TAAR5: variants seen among roughly 807,000 people sequenced by gnomAD.
The protein encoded by TAAR5 is trace amine-associated receptor 5.
Under a neutral mutation model 21.1 loss-of-function variants are expected in TAAR5, and 27 were observed. That is an observed-to-expected ratio of 1.28 (90% CI 0.94 to 1.76). The LOEUF (loss-of-function observed/expected upper bound fraction) is 1.76, where lower values mean the gene tolerates loss of function less well. TAAR5 is among the 40% of genes most tolerant of loss of function. The pLI is 0.00. For synonymous variants in TAAR5, 203 were observed against 167.5 expected (o/e 1.21, Z -1.64); for missense variants, 495 against 405.6 (o/e 1.22, Z -1.89).
At chr6:132,598,182 T>C in the TAAR5 span, among the ~76,000 whole-genome samples, 1 of 152,198 alleles carries the variant, frequency 6.6e-6, no homozygotes, top group Middle Eastern at 3.2e-3. Context: ...CTTACTTTGA[T>C]ATATCTCATC....
At chr6:132,609,752 G>A in the TAAR5 span, among the ~76,000 whole-genome samples, 33 of 152,212 alleles carry the variant, frequency 2.2e-4, no homozygotes, top group African/African-American at 7.7e-4. Context: ...TTTTCTTTAG[G>A]CATTCTTTTG....
At chr6:132,602,581 C>T in the TAAR5 span, among the ~76,000 whole-genome samples, 2 of 152,040 alleles carry the variant, frequency 1.3e-5, no homozygotes, top group Admixed American at 6.6e-5. Flanking sequence ...TGCTTGCCTG[C>T]CCCTCATCTC....
the TAAR5 span, among the ~76,000 whole-genome samples, chr6:132,614,413 G>A: frequency 6.6e-6 from 1 of 152,090 alleles, no homozygotes; most frequent in Non-Finnish European, 1.5e-5. Flanking sequence ...TATAATGATT[G>A]TTTTTTAGTT....
chr6:132,593,831 A>C (rs1366053768), upstream of TAAR5, among the ~76,000 whole-genome samples: 1 of 152,212 alleles, frequency 6.6e-6, no homozygotes, highest in Non-Finnish European at 1.5e-5. Flanking sequence ...CAAATCTCAC[A>C]TCAGTTCTTT....
At chr6:132,602,192 C>G in the TAAR5 span, among the ~76,000 whole-genome samples, 9 of 152,250 alleles carry the variant, frequency 5.9e-5, no homozygotes, top group African/African-American at 2.2e-4. Flanking sequence ...AATATTTCCA[C>G]AAATGAGGTG....
chr6:132,597,444 G>A, the TAAR5 span, among the ~76,000 whole-genome samples: 14 of 152,102 alleles, frequency 9.2e-5, no homozygotes, highest in African/African-American at 3.1e-4. Flanking sequence ...TGGCTTGCTT[G>A]TTTGCTAAAG....
At chr6:132,613,203 A>C in the TAAR5 span, among the ~76,000 whole-genome samples, 1 of 152,210 alleles carries the variant, frequency 6.6e-6, no homozygotes, top group Non-Finnish European at 1.5e-5. Flanking sequence ...GTAAGAACAC[A>C]ATGAGGCTCA....
At position 132,588,994 on chromosome 6, in the gene TAAR5, C is replaced by A; in HGVS notation, c.693G>T (p.Gln231His). Residue 231 changes from glutamine to histidine, a missense_variant, in exon 1 of 1, where the codon CAG (glutamine) becomes CAT (histidine). Coordinates refer to ENST00000258034, the MANE Select transcript of TAAR5 (RefSeq NM_003967.3). Reference protein sequence around the residue: ...KIFVVATRQAQQITTLSKSLA... With the variant: ...KIFVVATRQAHQITTLSKSLA... The stretch of plus-strand genomic sequence containing the variant: ...GGCTTTTGCTCAATGTGGTAATCTG[C>A]TGAGCCTGTCTGGTAGCAACCACAA... 6.2e-7 allele frequency: 1 copy of A among 1,613,992 alleles called. No individual in the cohort carries two copies. The highest frequency in any genetic ancestry group is 8.5e-7 in the Non-Finnish European group (1 of 1,179,962).
the TAAR5 span, among the ~76,000 whole-genome samples, chr6:132,597,623 C>G: frequency 6.6e-6 from 1 of 152,274 alleles, no homozygotes; most frequent in Non-Finnish European, 1.5e-5. Context: ...TCACTTTTTT[C>G]ATGGGATATT....
chr6:132,589,023 T>C lies in TAAR5; in HGVS notation c.664A>G (p.Ile222Val). 1 of 1,613,988 alleles carries C rather than the reference T, an allele frequency of 6.2e-7. No homozygotes were observed. The highest frequency in any genetic ancestry group is 1.1e-5 in the South Asian group (1 of 91,080). The change falls in exon 1 of 1, where the codon ATC (isoleucine) becomes GTC (valine). Residue 222 changes from isoleucine (I) to valine (V), a missense_variant. Ile to Val is a conservative substitution (Grantham distance 29). Coordinates refer to ENST00000258034, the MANE Select transcript of TAAR5 (RefSeq NM_003967.3). ...GCCTGTCTGGTAGCAACCACAAAGA[T>C]CTTCACATACAAGCTGATCATAATG... ...CLIMISLYVKIFVVATRQAQQ... is the reference protein window; with the variant it reads ...CLIMISLYVKVFVVATRQAQQ...
At chr6:132,602,468 C>A in the TAAR5 span, among the ~76,000 whole-genome samples, 1 of 152,096 alleles carries the variant, frequency 6.6e-6, no homozygotes, top group African/African-American at 2.4e-5. Context: ...GTTCATGCTC[C>A]TGTGAGAATC....
upstream of TAAR5, among the ~76,000 whole-genome samples, chr6:132,593,620 C>T (rs1434187565): frequency 2.0e-5 from 3 of 152,098 alleles, no homozygotes; most frequent in East Asian, 1.9e-4. Context: ...TGTTTGTGGA[C>T]ACCCTTGTAA....
chr6:132,598,567 T>C, the TAAR5 span, among the ~76,000 whole-genome samples: 1 of 152,154 alleles, frequency 6.6e-6, no homozygotes, highest in Admixed American at 6.6e-5. Flanking sequence ...CCTAGGAACT[T>C]GGGGCCACAC....
At chr6:132,602,139 A>T in the TAAR5 span, among the ~76,000 whole-genome samples, 1 of 152,154 alleles carries the variant, frequency 6.6e-6, no homozygotes, top group East Asian at 1.9e-4. Context: ...TAAAGCAGCC[A>T]TCCCCAACCT....
At chr6:132,611,227 AAG>A in the TAAR5 span, among the ~76,000 whole-genome samples, 11 of 149,454 alleles carry the variant, frequency 7.4e-5, no homozygotes, top group African/African-American at 2.3e-4. Flanking sequence ...AAAAAAAAAA[AAG>A]CATTGAACTC....
chr6:132,609,842 G>A, the TAAR5 span, among the ~76,000 whole-genome samples: 3 of 152,192 alleles, frequency 2.0e-5, no homozygotes, highest in African/African-American at 7.2e-5. Flanking sequence ...GAAACATGCA[G>A]TACCATGAAA....
chr6:132,613,141 C>G, the TAAR5 span, among the ~76,000 whole-genome samples: 22 of 152,142 alleles, frequency 1.4e-4, no homozygotes, highest in Non-Finnish European at 1.5e-5. Context: ...TTATGTGATG[C>G]AGTTTCTAGC....
the TAAR5 span, among the ~76,000 whole-genome samples, chr6:132,609,577 T>C: frequency 6.6e-6 from 1 of 152,230 alleles, no homozygotes; most frequent in Non-Finnish European, 1.5e-5. Context: ...GGTTTATCTA[T>C]TGACTGCTTT....
chr6:132,614,258 G>T, the TAAR5 span, among the ~76,000 whole-genome samples: 2 of 152,264 alleles, frequency 1.3e-5, no homozygotes, highest in East Asian at 3.9e-4. Context: ...TTTTAGCATT[G>T]TTGAAATACC....
Sources: gnomAD v4.1 joint callset for allele counts (sites outside exome capture counted in the v4.1 genomes callset) on GRCh38, gnomAD v4.1.1 for gene constraint, MANE v1.5 for transcripts, NCBI Gene and HGNC (gene_info 2026-07-23, HGNC 2026-07-21) for gene names.